The following HDLBP variants were observed in gnomAD, a reference collection of about 807,000 sequenced individuals.
HDLBP encodes the protein vigilin.
HDLBP carries 30 observed loss-of-function variants against 137.3 expected under a neutral mutation model. The ratio of observed to expected loss-of-function variants is 0.22; its 90% CI spans 0.16 to 0.30. HDLBP has a LOEUF of 0.30. Among genes scored for constraint, HDLBP ranks in the 10% least tolerant of loss-of-function variants. The pLI is 1.00. For synonymous variants in HDLBP, 606 were observed against 596.0 expected, an observed-to-expected ratio of 1.02 and a Z score of -0.24; for missense variants, 1,119 against 1,667.3, an observed-to-expected ratio of 0.67 and a Z score of 5.73.
rs752343069 is a variant in HDLBP, at chr2:241,239,665, G to A, written c.2547C>T (p.Leu849=). The change falls in exon 19 of 28, where the codon CTC becomes CTT. Residue 849 remains leucine (L), a synonymous_variant. Transcript: ENST00000310931. This position sits in a 1 kb window ranked among gnomAD's most constrained non-coding sequence, Gnocchi z 4.6. ...CCTCCACACAGTCCTTGGCGCCCTT[G>A]AGGGTGACTTTGTCGCTCTGTGTGC... The part of the protein sequence containing the change: ...RSGTQSDKVT[L]KGAKDCVEAA... The A allele has an allele frequency of 1.2e-6, 2 of 1,614,098 alleles. No homozygotes were observed. Among genetic ancestry groups the A allele is most frequent in the African/African-American group, 2.7e-5 (2 of 74,930 alleles).
rs554437301 is a variant in HDLBP at position 241,268,050 on chromosome 2, C to A, written c.-38+427G>T. 19 of 792,064 alleles carry A rather than the reference C, an allele frequency of 2.4e-5. No homozygotes were observed. The South Asian group carries it at 1.1e-3, about 46-fold the overall frequency. The allele number at this position is 792,064 out of a possible 1,614,324, so 49.1% of individuals were successfully genotyped here. A position where few individuals can be genotyped will look rare whatever the true frequency, so the allele number is the denominator to read the frequency against. ...TCCAAACTACTACAGTGAGGAAGAA[C>A]CCATTTTCTTTACACAATTACGCAT... is the stretch of plus-strand genomic sequence containing the variant. On this transcript the variant is annotated intron_variant, in intron 2 of 27. Coordinates refer to ENST00000310931, the MANE Select transcript of HDLBP (RefSeq NM_005336.6).
At chr2:241,269,783 T>A (rs781735522) in intron 1 of HDLBP, among the ~76,000 whole-genome samples, 5 of 152,212 alleles carry the variant, frequency 3.3e-5, no homozygotes, top group African/African-American at 7.2e-5. Flanking sequence ...AGATTCCAAG[T>A]GTCTGTCCAG....
intron 1 of HDLBP, among the ~76,000 whole-genome samples, chr2:241,271,518 A>ATTT (rs1204866857): frequency 3.3e-5 from 5 of 152,236 alleles, no homozygotes; most frequent in African/African-American, 1.2e-4. Context: ...GCAACAAAAA[A>ATTT]GGCTTCACAT....
At chr2:241,300,974 T>TTATTA (rs2075376281) in intron 1 of HDLBP, among the ~76,000 whole-genome samples, 1 of 148,960 alleles carries the variant, frequency 6.7e-6, no homozygotes, top group South Asian at 2.1e-4. Context: ...ATTATTATTA[T>TTATTA]TATTATTATT....
chr2:241,287,639 T>C (rs6747036), intron 1 of HDLBP, among the ~76,000 whole-genome samples: 73,552 of 151,960 alleles, frequency 0.48, 19,431 homozygotes, highest in East Asian at 0.78. Context: ...GCCAGGTTGG[T>C]GTTGAACTCC....
chr2:241,306,061 A>G (rs1425930282), intron 1 of HDLBP, among the ~76,000 whole-genome samples: 2 of 150,652 alleles, frequency 1.3e-5, no homozygotes, highest in African/African-American at 2.4e-5. Flanking sequence ...CGCCCGGCCA[A>G]AAAGTTTTAA....
Position 241,267,713 on chromosome 2 carries a change from G to A in HDLBP, c.-38+764C>T, listed in dbSNP as rs958206947. The stretch of plus-strand genomic sequence containing the variant: ...CCAGGTGGTTATAAGTGGTAGCTGC[G>A]TGACAGGAAAAAGCAGCCTCAGTGC... On this transcript the variant is annotated intron_variant, in intron 2 of 27. Coordinates refer to ENST00000310931, the MANE Select transcript of HDLBP (RefSeq NM_005336.6). 37 of 1,534,766 alleles carry A rather than the reference G, an allele frequency of 2.4e-5. No individual in the cohort carries two copies. In the African/African-American group the frequency reaches 3.3e-4, roughly 14 times the overall value.
intron 5 of HDLBP, among the ~76,000 whole-genome samples, chr2:241,258,151 CA>C (rs1449485460): frequency 6.6e-6 from 1 of 151,924 alleles, no homozygotes; most frequent in Non-Finnish European, 1.5e-5. Flanking sequence ...GTAATCCCAG[CA>C]CTTTGGGAGG....
At position 241,238,631 on chromosome 2, in the gene HDLBP, G is replaced by A; in HGVS notation, c.2749+18C>T. 6.5e-7 allele frequency: 1 copy of A among 1,539,468 alleles called. No homozygotes were observed. Among genetic ancestry groups the A allele is most frequent in the Middle Eastern group, 1.7e-4 (1 of 5,746 alleles). Reference sequence around the variant, plus strand: ...GCGCCACTATTAACAAGCAGAGCAGGGCTAATGGGGGACCCACCTGCGTTC... The same window carrying A: ...GCGCCACTATTAACAAGCAGAGCAGAGCTAATGGGGGACCCACCTGCGTTC... On this transcript the variant is annotated intron_variant, in intron 20 of 27. Coordinates refer to ENST00000310931, the MANE Select transcript of HDLBP (RefSeq NM_005336.6). The surrounding 1 kb of genome is among the most constrained non-coding windows in gnomAD (Gnocchi z 4.9).
intron 1 of HDLBP, among the ~76,000 whole-genome samples, chr2:241,298,484 T>A (rs2075269101): frequency 6.6e-6 from 1 of 152,008 alleles, no homozygotes; most frequent in South Asian, 2.1e-4. Context: ...GGCAAAAGGG[T>A]AACAATCAAC....
At chr2:241,254,754 G>A (rs1220016551) in intron 9 of HDLBP, among the ~76,000 whole-genome samples, 1 of 152,160 alleles carries the variant, frequency 6.6e-6, no homozygotes, top group Non-Finnish European at 1.5e-5. Context: ...AAAGTATCAT[G>A]AAGTTATTTC....
At chr2:241,307,443 G>A (rs2075618735) in intron 1 of HDLBP, among the ~76,000 whole-genome samples, 1 of 152,128 alleles carries the variant, frequency 6.6e-6, no homozygotes, top group East Asian at 1.9e-4. Flanking sequence ...GATGGGTAGG[G>A]GCTACACGAA....
At chr2:241,234,732 C>A (rs925231845) in intron 23 of HDLBP, among the ~76,000 whole-genome samples, 1 of 152,216 alleles carries the variant, frequency 6.6e-6, no homozygotes, top group African/African-American at 2.4e-5. Context: ...ACCAGGAAGT[C>A]ATTCGCCCTT....
rs2149367302 is a variant in HDLBP, at chr2:241,236,784, G to C, written c.2750-15C>G. The C allele has an allele frequency of 6.2e-7, 1 of 1,612,774 alleles. No individual in the cohort carries two copies. The highest frequency in any genetic ancestry group is 2.2e-5 in the East Asian group (1 of 44,848). ...TGTACTGTGAACTAGAGAGAAAGGG[G>C]AAAAGGGACAGCTGACAGCTGCTGG... On this transcript the variant is annotated splice_polypyrimidine_tract_variant and intron_variant, in intron 20 of 27. Transcript: ENST00000310931.
At chr2:241,236,895 C>G in intron 20 of HDLBP, 126 bp from the exon 21 acceptor site, 1 of 932,636 alleles carries the variant, frequency 1.1e-6, no homozygotes, top group Non-Finnish European at 1.6e-6. Context: ...AAAACCACTC[C>G]TGTCCTTCAG....
At chr2:241,301,506 A>G (rs2075395500) in intron 1 of HDLBP, among the ~76,000 whole-genome samples, 1 of 152,210 alleles carries the variant, frequency 6.6e-6, no homozygotes, top group African/African-American at 2.4e-5. Context: ...GATGCAGTGT[A>G]TTTCATTTTG....
chr2:241,313,210 T>C (rs1266950793), intron 1 of HDLBP, among the ~76,000 whole-genome samples: 1 of 152,218 alleles, frequency 6.6e-6, no homozygotes, highest in East Asian at 1.9e-4. Context: ...ATAATGTAAT[T>C]ACTCTTCTAC....
intron 3 of HDLBP, chr2:241,266,487 G>C (rs1347195920): frequency 2.6e-5 from 9 of 341,958 alleles, no homozygotes. Context: ...CCAGATTTTA[G>C]TTTACCACAA....
At chr2:241,249,360 A>C (rs1161778573) in intron 12 of HDLBP, 2 of 471,716 alleles carry the variant, frequency 4.2e-6, no homozygotes, top group South Asian at 3.1e-5. Flanking sequence ...TGACTCACAG[A>C]AGCAAGGGTG....
Sources: allele counts gnomAD v4.1 joint callset (sites outside exome capture counted in the v4.1 genomes callset), GRCh38; gene constraint gnomAD v4.1.1; non-coding constraint Gnocchi (gnomAD v3.1); transcripts MANE v1.5; gene names NCBI Gene and HGNC (gene_info 2026-07-23, HGNC 2026-07-21).